OSBPL6: variants seen among roughly 807,000 people sequenced by gnomAD.
OSBPL6 encodes oxysterol-binding protein-related protein 6.
Under a neutral mutation model 125.8 loss-of-function variants are expected in OSBPL6, and 49 were observed. The observed-to-expected ratio is 0.39, with a 90% CI of 0.31 to 0.49. OSBPL6 has a LOEUF of 0.49. Ranked by LOEUF, OSBPL6 falls within the 20% of genes least tolerant of loss-of-function variation. OSBPL6 has a pLI of 0.88. For missense variants in OSBPL6, 986 were observed against 1,135.4 expected (o/e 0.87, Z 1.89); for synonymous variants, 394 against 391.8 (o/e 1.01, Z -0.07).
At position 178,397,241 on chromosome 2, in the gene OSBPL6, G is replaced by A. The variant is rs115446106; in HGVS notation, c.*1682G>A. The stretch of plus-strand genomic sequence containing the variant: ...TTTATTTATCCAAAACTCCTCCCTT[G>A]CATCTGAGTTTTTATGTTATGTGTA... On this transcript the variant is annotated 3_prime_UTR_variant, in exon 25 of 25. Transcript: ENST00000190611. 6.6e-6 allele frequency: 1 copy of A among 152,276 alleles called. No homozygotes were observed. Among genetic ancestry groups the A allele is most frequent in the African/African-American group, 2.4e-5 (1 of 41,538 alleles). 9.4% of individuals were successfully genotyped at this position (152,276 alleles called of 1,614,324 possible). A position where few individuals can be genotyped will look rare whatever the true frequency, so the allele number is the denominator to read the frequency against.
At chr2:178,226,137 G>A (rs1372443024) in intron 1 of OSBPL6, among the ~76,000 whole-genome samples, 1 of 151,608 alleles carries the variant, frequency 6.6e-6, no homozygotes, top group African/African-American at 2.4e-5. Flanking sequence ...AGGAGGAAGT[G>A]TGGATGCAGT....
intron 13 of OSBPL6, among the ~76,000 whole-genome samples, chr2:178,370,513 G>C (rs554092443): frequency 6.6e-6 from 1 of 152,184 alleles, no homozygotes; most frequent in South Asian, 2.1e-4. Context: ...GTCGTTGCTG[G>C]GTTTTTTTCT....
chr2:178,395,366 T>C (rs1695768728), intron 24 of OSBPL6, 85 bp from the exon 25 acceptor site: 1 of 891,060 alleles, frequency 1.1e-6, no homozygotes, highest in East Asian at 2.5e-5. Flanking sequence ...TGCTTATATG[T>C]CCATGTCTAA....
intron 8 of OSBPL6, among the ~76,000 whole-genome samples, chr2:178,335,720 A>G (rs1455837650): frequency 1.3e-5 from 2 of 152,180 alleles, no homozygotes; most frequent in Non-Finnish European, 2.9e-5. Flanking sequence ...ACTTAATACA[A>G]TTTTCACTTA....
chr2:178,324,769 A>G (rs1458276110), intron 4 of OSBPL6, among the ~76,000 whole-genome samples: 1 of 152,256 alleles, frequency 6.6e-6, no homozygotes, highest in African/African-American at 2.4e-5. Context: ...AGAGTTAATA[A>G]CTTGCCCATA....
rs190597884 is a variant in OSBPL6 at position 178,204,781 on chromosome 2, C to G, written c.-351+10107C>G. ...AGCCAGTGCGGTGAAGAGGAAAGAG[C>G]TTACCATTGGAAGCCCACCTGAGAG... On this transcript the variant is annotated intron_variant, in intron 1 of 24. Transcript: ENST00000190611. Among the ~76,000 whole-genome samples, 273 of 152,260 alleles carry G rather than the reference C, an allele frequency of 1.8e-3. 2 individuals are homozygous for G. Among genetic ancestry groups the G allele is most frequent in the African/African-American group, 6.3e-3 (260 of 41,540 alleles).
At chr2:178,197,100 G>A (rs1446733823) in intron 1 of OSBPL6, among the ~76,000 whole-genome samples, 1 of 150,438 alleles carries the variant, frequency 6.6e-6, no homozygotes, top group Non-Finnish European at 1.5e-5. Flanking sequence ...ACGTGCCAGT[G>A]TTTCTCTTGG....
intron 2 of OSBPL6, among the ~76,000 whole-genome samples, chr2:178,295,757 C>G (rs906424954): frequency 2.0e-5 from 3 of 151,176 alleles, no homozygotes; most frequent in African/African-American, 7.3e-5. Context: ...TAATAAAACA[C>G]AATTATAATA....
At position 178,402,582 on chromosome 2, in the gene OSBPL6, G is replaced by GA. The variant is rs1441146051; in HGVS notation, c.*7029dup. ...TAATACATATTTTTAATTTCTGTTTGAAAAAACTCCACTGTGAAATTACTC... is the reference window on the plus strand; with the variant it reads ...TAATACATATTTTTAATTTCTGTTTGAAAAAAACTCCACTGTGAAATTACTC... On this transcript the variant is annotated 3_prime_UTR_variant, in exon 25 of 25. Coordinates refer to ENST00000190611, the MANE Select transcript of OSBPL6 (RefSeq NM_032523.4). The GA allele has an allele frequency of 1.3e-5, 2 of 152,132 alleles. No individual in the cohort carries two copies. The highest frequency in any genetic ancestry group is 2.9e-5 in the Non-Finnish European group (2 of 68,016). 9.4% of individuals were successfully genotyped at this position (152,132 alleles called of 1,614,324 possible).
At chr2:178,268,432 A>T (rs1403984516) in intron 1 of OSBPL6, among the ~76,000 whole-genome samples, 1 of 135,490 alleles carries the variant, frequency 7.4e-6, no homozygotes, top group African/African-American at 2.4e-5. Flanking sequence ...CACACATCTT[A>T]AATGTAACTG....
chr2:178,218,419 A>G (rs77416443), intron 1 of OSBPL6, among the ~76,000 whole-genome samples: 26 of 135,636 alleles, frequency 1.9e-4, no homozygotes, highest in African/African-American at 6.9e-4. Flanking sequence ...AAAAAAAAAA[A>G]AGAGAGAGAG....
In OSBPL6 at chr2:178,319,998, G is replaced by A. The variant is rs1469043303; in HGVS notation, c.103-4179G>A. The stretch of plus-strand genomic sequence containing the variant: ...CTAAATTTATAGAAAAAGTGAGTCT[G>A]TAAAGAAATTTGTAGCCTCAGTCTA... On this transcript the variant is annotated intron_variant, in intron 3 of 24. Coordinates refer to ENST00000190611, the MANE Select transcript of OSBPL6 (RefSeq NM_032523.4). Among the ~76,000 whole-genome samples, 3 of 152,202 alleles carry A rather than the reference G, an allele frequency of 2.0e-5. No individual in the cohort carries two copies. The East Asian group carries it at 5.8e-4, about 29-fold the overall frequency.
intron 1 of OSBPL6, among the ~76,000 whole-genome samples, chr2:178,194,899 G>T (rs528969576): frequency 1.3e-3 from 196 of 152,230 alleles, no homozygotes; most frequent in Non-Finnish European, 2.3e-3. Context: ...CCATTCTCGC[G>T]GCCGGGATGG....
intron 1 of OSBPL6, among the ~76,000 whole-genome samples, chr2:178,233,583 A>T (rs983618833): frequency 2.0e-5 from 3 of 152,064 alleles, no homozygotes; most frequent in Admixed American, 6.6e-5. Context: ...CTTTGATTTC[A>T]CTCACATGAC....
intron 18 of OSBPL6, among the ~76,000 whole-genome samples, chr2:178,384,406 A>T (rs1266776968): frequency 1.3e-5 from 2 of 152,222 alleles, no homozygotes; most frequent in Non-Finnish European, 2.9e-5. Flanking sequence ...GGTGTTCTGG[A>T]CACAGGTTGG....
chr2:178,382,356 T>C, intron 15 of OSBPL6, 64 bp from the exon 16 acceptor site: 2 of 1,519,456 alleles, frequency 1.3e-6, no homozygotes, highest in Non-Finnish European at 1.8e-6. Flanking sequence ...TTTAATCATT[T>C]GATTATCTGA....
chr2:178,385,803 C>T (rs2092456856), intron 19 of OSBPL6, among the ~76,000 whole-genome samples: 1 of 152,190 alleles, frequency 6.6e-6, no homozygotes, highest in South Asian at 2.1e-4. Flanking sequence ...TCTCATGTTC[C>T]TTATTGTCTG....
chr2:178,392,585 G>A (rs1005176867), intron 23 of OSBPL6, 47 bp downstream of exon 23: 1 of 1,599,636 alleles, frequency 6.3e-7, no homozygotes, highest in Non-Finnish European at 8.5e-7. Context: ...GCTGGGTGCA[G>A]TAGCTCATGC....
At chr2:178,350,141 T>C (rs1212639177) in intron 12 of OSBPL6, among the ~76,000 whole-genome samples, 3 of 152,206 alleles carry the variant, frequency 2.0e-5, no homozygotes, top group African/African-American at 7.2e-5. Context: ...CTCTTCTTTA[T>C]GTTAAATTTT....
Sources: allele counts gnomAD v4.1 joint callset (sites outside exome capture counted in the v4.1 genomes callset), GRCh38; gene constraint gnomAD v4.1.1; transcripts MANE v1.5; gene names NCBI Gene and HGNC (gene_info 2026-07-23, HGNC 2026-07-21).